The following EP300 variants were observed in gnomAD, a reference collection of about 807,000 sequenced individuals.
EP300 encodes EP300 lysine acetyltransferase.
Under a neutral mutation model 264.0 loss-of-function variants are expected in EP300, and 31 were observed. That is an observed-to-expected ratio of 0.12 (90% CI 0.09 to 0.16). The LOEUF is 0.16. Ranked by LOEUF, EP300 falls within the 10% of genes least tolerant of loss-of-function variation. The pLI, the probability that EP300 is intolerant of heterozygous loss-of-function variation, is 1.00. For synonymous variants in EP300, 1,340 were observed against 1,045.4 expected (o/e 1.28, Z -5.44); for missense variants, 2,766 against 3,052.9 (o/e 0.91, Z 2.21).
At chr22:41,119,115 G>A (rs1455810879) in intron 2 of EP300, among the ~76,000 whole-genome samples, 3 of 144,388 alleles carry the variant, frequency 2.1e-5, no homozygotes, top group South Asian at 2.2e-4. Flanking sequence ...CAGTCTTCTC[G>A]CCTCAGCCTC....
At chr22:41,138,775 C>T (rs561130400) in intron 8 of EP300, among the ~76,000 whole-genome samples, 96 of 152,274 alleles carry the variant, frequency 6.3e-4, no homozygotes, top group African/African-American at 2.3e-3. Context: ...CAGTTAATAG[C>T]AGGGTCGTCT....
chr22:41,140,771 G>A (rs1319134969), intron 9 of EP300, among the ~76,000 whole-genome samples: 1 of 152,068 alleles, frequency 6.6e-6, no homozygotes, highest in African/African-American at 2.4e-5. Flanking sequence ...GGTGACAGAG[G>A]GAGACCTTGT....
chr22:41,139,185 C>T (rs949243316), intron 8 of EP300, among the ~76,000 whole-genome samples: 1 of 152,184 alleles, frequency 6.6e-6, no homozygotes, highest in Non-Finnish European at 1.5e-5. Flanking sequence ...AACTCCTGAC[C>T]TCAGGTGATC....
chr22:41,117,713 C>T lies in EP300; in HGVS notation c.621C>T (p.Tyr207=), dbSNP rs759630933. The T allele has an allele frequency of 5.0e-6, 8 of 1,614,100 alleles. No homozygotes were observed. The East Asian group carries it at 8.9e-5, about 18-fold the overall frequency. Residue 207 remains tyrosine (Y), a synonymous_variant, in exon 2 of 31, where the codon TAC becomes TAT. Coordinates refer to ENST00000263253, the MANE Select transcript of EP300 (RefSeq NM_001429.4). ...GCCGAGGGCGACAGAATATGCAGTA[C>T]CCAAACCCAGGCATGGGAAGTGCTG... ...GAGRGRQNMQ[Y]PNPGMGSAGN...
In EP300 at chr22:41,167,834, T is replaced by G. The variant is rs1311430162; in HGVS notation, c.3875-615T>G. 7.9e-4 allele frequency among the ~76,000 whole-genome samples: 67 copies of G among 84,414 alleles called. 1 individual carries two copies. The highest frequency in any genetic ancestry group is 2.8e-3 in the African/African-American group (60 of 21,686). 55.4% of individuals were successfully genotyped at this position (84,414 alleles called of 152,430 possible). ...TTTTTGTTTTTTTTTTTGTTTTTTTTTTTTTTTTTTTTTTTTTGAGACAGA... is the reference window on the plus strand; with the variant it reads ...TTTTTGTTTTTTTTTTTGTTTTTTTGTTTTTTTTTTTTTTTTTGAGACAGA... On this transcript the variant is annotated intron_variant, in intron 23 of 30. Coordinates refer to ENST00000263253, the MANE Select transcript of EP300 (RefSeq NM_001429.4).
At chr22:41,110,417 C>CG (rs2058783426) in intron 1 of EP300, among the ~76,000 whole-genome samples, 1 of 144,062 alleles carries the variant, frequency 6.9e-6, no homozygotes, top group Non-Finnish European at 1.5e-5. Context: ...CTCAGCCTCC[C>CG]GACTAGCTGG....
chr22:41,167,808 G>GTTTTTGGTTTT (rs2059147185), intron 23 of EP300, among the ~76,000 whole-genome samples: 1 of 24,758 alleles, frequency 4.0e-5, no homozygotes, highest in Non-Finnish European at 7.2e-5. Context: ...ATTTCTGTTT[G>GTTTTTGGTTTT]TTTTTGTTTT....
At chr22:41,108,270 A>G (rs549612020) in intron 1 of EP300, among the ~76,000 whole-genome samples, 77 of 113,796 alleles carry the variant, frequency 6.8e-4, no homozygotes, top group African/African-American at 2.7e-3. Flanking sequence ...TTTTTTTGAG[A>G]CAGGGTCTCA....
intron 14 of EP300, among the ~76,000 whole-genome samples, chr22:41,151,276 T>C (rs934531167): frequency 2.6e-5 from 4 of 152,212 alleles, no homozygotes; most frequent in Non-Finnish European, 5.9e-5. Context: ...TGCTTGATTT[T>C]ATTCTTTATA....
In EP300 at chr22:41,178,132, C is replaced by G. The variant is rs1376578445; in HGVS notation, c.6421C>G (p.Gln2141Glu). ...CATGAATCCAATGCAGGCGGGCGTT[C>G]AGAGGGCTGGCCTGCCCCAGCAGCA... ...QNMNPMQAGV[Q>E]RAGLPQQQPQ... The change falls in exon 31 of 31, where the codon CAG (glutamine) becomes GAG (glutamate). Residue 2141 changes from glutamine to glutamate, a missense_variant. Transcript: ENST00000263253. 5 of 1,614,016 alleles carry G rather than the reference C, an allele frequency of 3.1e-6. 1 individual carries two copies. The highest frequency in any genetic ancestry group is 4.5e-5 in the East Asian group (2 of 44,882).
At chr22:41,176,084 G>T in intron 29 of EP300, 163 bp from the exon 30 acceptor site, 1 of 758,996 alleles carries the variant, frequency 1.3e-6, no homozygotes, top group Non-Finnish European at 2.2e-6. Context: ...GCCAGGTGTG[G>T]TGGTGTGGGC....
chr22:41,172,145 G>A (rs2059174433), intron 27 of EP300, among the ~76,000 whole-genome samples: 1 of 152,186 alleles, frequency 6.6e-6, no homozygotes, highest in Non-Finnish European at 1.5e-5. Context: ...AGGAGGGCAT[G>A]CTTCATACCA....
rs149548576 is a variant in EP300, at chr22:41,173,882, C to A, written c.4779+98C>A. The A allele has an allele frequency of 0.025, 36,215 of 1,459,950 alleles. 623 individuals carry two copies. Among genetic ancestry groups the A allele is most frequent in the Middle Eastern group, 0.051 (285 of 5,586 alleles). The allele number at this position is 1,459,950 out of a possible 1,614,324, so 90.4% of individuals were successfully genotyped here. ...ATCCCAGCACTTTGGGAGGCCAAGG[C>A]GGGTGGATCACCTGAGGTCAGGAGT... On this transcript the variant is annotated intron_variant, in intron 29 of 30. Transcript: ENST00000263253.
intron 1 of EP300, among the ~76,000 whole-genome samples, chr22:41,112,705 T>C (rs1412681213): frequency 3.2e-5 from 2 of 62,442 alleles, no homozygotes; most frequent in Non-Finnish European, 6.6e-5. Flanking sequence ...GTAATTTTTA[T>C]ATTGTTTTTT....
chr22:41,162,493 C>T (rs1430996180), intron 20 of EP300, among the ~76,000 whole-genome samples: 3 of 152,104 alleles, frequency 2.0e-5, no homozygotes, highest in African/African-American at 7.2e-5. Context: ...TCTAGTTCTT[C>T]CTGGGTTCTC....
rs369047398 is a variant in EP300, at chr22:41,126,029, A to T, written c.895A>T (p.Met299Leu). The T allele has an allele frequency of 1.2e-6, 2 of 1,614,132 alleles. No homozygotes were observed. Among genetic ancestry groups the T allele is most frequent in the Non-Finnish European group, 1.7e-6 (2 of 1,179,994 alleles). The change falls in exon 3 of 31, where the codon ATG (methionine) becomes TTG (leucine). Residue 299 changes from methionine to leucine, a missense_variant. Met to Leu is a conservative substitution (Grantham distance 15, BLOSUM62 2). Transcript: ENST00000263253. The stretch of plus-strand genomic sequence containing the variant: ...CAAAAAGGCAGTTCCTGGTGGAGGA[A>T]TGCCCAACATGGTGAGTACTAATCC... ...MDKKAVPGGG[M>L]PNMGQQPAPQ...
At chr22:41,098,027 T>A (rs1017050900) in intron 1 of EP300, among the ~76,000 whole-genome samples, 1 of 151,932 alleles carries the variant, frequency 6.6e-6, no homozygotes, top group Non-Finnish European at 1.5e-5. Flanking sequence ...CTTTTAAGTT[T>A]TAGGATACAT....
intron 1 of EP300, among the ~76,000 whole-genome samples, chr22:41,100,901 TATC>T (rs147215752): frequency 4.6e-5 from 7 of 152,188 alleles, no homozygotes; most frequent in East Asian, 1.9e-4. Context: ...TCATATATAT[TATC>T]ATGTCACGTA....
At chr22:41,129,234 A>G (rs1241808827) in intron 4 of EP300, among the ~76,000 whole-genome samples, 1 of 151,908 alleles carries the variant, frequency 6.6e-6, no homozygotes, top group Non-Finnish European at 1.5e-5. Flanking sequence ...GATGGTCTCT[A>G]TCTCCTGACC....
Sources: allele counts gnomAD v4.1 joint callset (sites outside exome capture counted in the v4.1 genomes callset), GRCh38; gene constraint gnomAD v4.1.1; transcripts MANE v1.5; gene names NCBI Gene and HGNC (gene_info 2026-07-23, HGNC 2026-07-21).